Variants in RNF144B observed in about 807,000 individuals in gnomAD.
The protein encoded by RNF144B is ring finger protein 144B, also known as E3 ubiquitin-protein ligase RNF144B.
Under a neutral mutation model 40.2 loss-of-function variants are expected in RNF144B, and 25 were observed. That is an observed-to-expected ratio of 0.62 (90% CI 0.45 to 0.87). The LOEUF (loss-of-function observed/expected upper bound fraction) is 0.87, where lower values mean the gene tolerates loss of function less well. Ranked by LOEUF, RNF144B falls within the 40% of genes least tolerant of loss-of-function variation. The probability of loss-of-function intolerance (pLI) is 0.00; values close to 1 mark genes in which losing one functional copy is unlikely to be tolerated. For missense variants in RNF144B, 365 were observed against 373.7 expected (o/e 0.98, Z 0.19); for synonymous variants, 145 against 136.3 (o/e 1.06, Z -0.44).
At chr6:18,387,730 A>T in intron 1 of RNF144B, 100 bp downstream of exon 1, 1 of 1,035,496 alleles carries the variant, frequency 9.7e-7, no homozygotes, top group Non-Finnish European at 1.3e-6. Context: ...TGACACCACA[A>T]TTTTTCGATT....
intron 3 of RNF144B, among the ~76,000 whole-genome samples, chr6:18,433,937 C>G (rs1389039711): frequency 6.6e-6 from 1 of 152,110 alleles, no homozygotes; most frequent in Admixed American, 6.5e-5. Flanking sequence ...GTGTTATTTC[C>G]CCTGCCCTGG....
Position 18,460,346 on chromosome 6 carries a change from G to A in RNF144B, c.681+595G>A, listed in dbSNP as rs56817685. ...CACAGCTGGGAAAGGTTCTCTGCCTGAAGGACCAATGTGATGAGATTGGGC... is the reference window on the plus strand; with the variant it reads ...CACAGCTGGGAAAGGTTCTCTGCCTAAAGGACCAATGTGATGAGATTGGGC... On this transcript the variant is annotated intron_variant, in intron 6 of 7. Transcript: ENST00000259939. This position sits in a 1 kb window ranked among gnomAD's most constrained non-coding sequence, Gnocchi z 4.4. Among the ~76,000 whole-genome samples, 2,652 of 152,282 alleles carry A rather than the reference G, an allele frequency of 0.017. 38 individuals carry two copies. The highest frequency in any genetic ancestry group is 0.027 in the Middle Eastern group (8 of 294).
intron 4 of RNF144B, among the ~76,000 whole-genome samples, chr6:18,440,672 C>A (rs1008753369): frequency 1.3e-5 from 2 of 150,398 alleles, no homozygotes; most frequent in Non-Finnish European, 3.0e-5. Context: ...AGAAAAAAAA[C>A]GTACAGAGCA....
intron 4 of RNF144B, among the ~76,000 whole-genome samples, chr6:18,449,406 A>T (rs1379612170): frequency 6.6e-6 from 1 of 152,174 alleles, no homozygotes; most frequent in Non-Finnish European, 1.5e-5. Flanking sequence ...ATCTCTAGCA[A>T]TTTTTTTCTT....
chr6:18,424,514 A>G (rs750505385), intron 2 of RNF144B, among the ~76,000 whole-genome samples: 2 of 152,302 alleles, frequency 1.3e-5, no homozygotes, highest in East Asian at 1.9e-4. Flanking sequence ...TTCTCACCCA[A>G]AATCGTGGGT....
In RNF144B at chr6:18,465,153, C is replaced by A; in HGVS notation, c.*86C>A. 1 of 1,410,148 alleles carries A rather than the reference C, an allele frequency of 7.1e-7. No individual in the cohort carries two copies. Among genetic ancestry groups the A allele is most frequent in the Non-Finnish European group, 9.7e-7 (1 of 1,028,196 alleles). 87.4% of individuals were successfully genotyped at this position (1,410,148 alleles called of 1,614,324 possible). ...CCCCATTTAGTGACCTTGCCTCCTT[C>A]TCCTTGCCAACTTTGAAAGTGCCTC... On this transcript the variant is annotated 3_prime_UTR_variant, in exon 8 of 8. Coordinates refer to ENST00000259939, the MANE Select transcript of RNF144B (RefSeq NM_182757.4).
intron 4 of RNF144B, among the ~76,000 whole-genome samples, chr6:18,455,986 G>A (rs1386472998): frequency 6.6e-6 from 1 of 151,826 alleles, no homozygotes; most frequent in East Asian, 1.9e-4. Context: ...GCAGTGGTGC[G>A]ATCTCAGCTC....
Position 18,456,190 on chromosome 6 carries a change from G to A in RNF144B, c.332-965G>A, listed in dbSNP as rs111504391. ...GCCTACCTCAGCCTCCCAAAGTGCT[G>A]GGATTACAGGCGTGAGCCACAGTGC... On this transcript the variant is annotated intron_variant, in intron 4 of 7. Coordinates refer to ENST00000259939, the MANE Select transcript of RNF144B (RefSeq NM_182757.4). The surrounding 1 kb of genome is among the most constrained non-coding windows in gnomAD (Gnocchi z 4.7). Among the ~76,000 whole-genome samples the A allele has an allele frequency of 4.8e-3, 727 of 152,286 alleles. 9 individuals carry two copies. Among genetic ancestry groups the A allele is most frequent in the African/African-American group, 0.016 (681 of 41,566 alleles).
rs899708162 is a variant in RNF144B at position 18,443,540 on chromosome 6, T to C, written c.331+3796T>C. Among the ~76,000 whole-genome samples the C allele has an allele frequency of 1.3e-5, 2 of 152,132 alleles. No individual in the cohort carries two copies. The highest frequency in any genetic ancestry group is 2.9e-5 in the Non-Finnish European group (2 of 68,004). Reference sequence around the variant, plus strand: ...CCTCCCAAAGTTCTGGGATTACAGGTGTGAGCTACCGTGCCCGGCCTCTTA... The same window carrying C: ...CCTCCCAAAGTTCTGGGATTACAGGCGTGAGCTACCGTGCCCGGCCTCTTA... On this transcript the variant is annotated intron_variant, in intron 4 of 7. Coordinates refer to ENST00000259939, the MANE Select transcript of RNF144B (RefSeq NM_182757.4). The surrounding 1 kb of genome is among the most constrained non-coding windows in gnomAD (Gnocchi z 4.7).
In RNF144B at chr6:18,400,037, C is replaced by T. The variant is rs766659583; in HGVS notation, c.165+338C>T. On this transcript the variant is annotated intron_variant, in intron 2 of 7. Transcript: ENST00000259939. The surrounding 1 kb of genome is among the most constrained non-coding windows in gnomAD (Gnocchi z 5.6). ...CTGTAATCCCAGCACTTTGGGAGGC[C>T]GAGGCGGGCGGATCACAAGGTCAGA... Among the ~76,000 whole-genome samples the T allele has an allele frequency of 8.4e-4, 127 of 152,094 alleles. No individual in the cohort carries two copies. The highest frequency in any genetic ancestry group is 1.4e-3 in the Non-Finnish European group (96 of 67,982).
intron 2 of RNF144B, among the ~76,000 whole-genome samples, chr6:18,409,657 G>A (rs564616369): frequency 1.3e-4 from 18 of 140,754 alleles, no homozygotes; most frequent in Non-Finnish European, 2.7e-4. Flanking sequence ...TGCAACCTCC[G>A]CCTCCTGGGT....
At chr6:18,413,617 G>T (rs192614961) in intron 2 of RNF144B, among the ~76,000 whole-genome samples, 3 of 152,278 alleles carry the variant, frequency 2.0e-5, no homozygotes, top group Non-Finnish European at 2.9e-5. Context: ...TGAAGTCAAG[G>T]TTCAAGGCCA....
Position 18,439,878 on chromosome 6 carries a change from G to C in RNF144B, c.331+134G>C, listed in dbSNP as rs754119249. The C allele has an allele frequency of 5.8e-6, 3 of 514,872 alleles. No individual in the cohort carries two copies. The Admixed American group carries it at 9.6e-5, about 16-fold the overall frequency. The allele number at this position is 514,872 out of a possible 1,614,324, so 31.9% of individuals were successfully genotyped here. On this transcript the variant is annotated intron_variant, in intron 4 of 7. Coordinates refer to ENST00000259939, the MANE Select transcript of RNF144B (RefSeq NM_182757.4). Reference sequence around the variant, plus strand: ...AAGGGTACTCTAAAAGGAGAATACTGTAATTGCAACATAAAATTTCAAGCC... The same window carrying C: ...AAGGGTACTCTAAAAGGAGAATACTCTAATTGCAACATAAAATTTCAAGCC...
At chr6:18,463,439 C>A (rs189892532) in intron 7 of RNF144B, 59 bp downstream of exon 7, 1 of 970,658 alleles carries the variant, frequency 1.0e-6, no homozygotes, top group Non-Finnish European at 1.7e-6. Flanking sequence ...TTAAAGAGCC[C>A]ACCTCTTCGC....
In RNF144B at chr6:18,407,774, G is replaced by A. The variant is rs116022166; in HGVS notation, c.165+8075G>A. Among the ~76,000 whole-genome samples, 1,316 of 151,838 alleles carry A rather than the reference G, an allele frequency of 8.7e-3. 6 individuals carry two copies. Among genetic ancestry groups the A allele is most frequent in the Middle Eastern group, 0.014 (4 of 294 alleles). On this transcript the variant is annotated intron_variant, in intron 2 of 7. Coordinates refer to ENST00000259939, the MANE Select transcript of RNF144B (RefSeq NM_182757.4). The stretch of plus-strand genomic sequence containing the variant: ...GAAGGTTATCTTTTTTTTAGAGGGC[G>A]GACGTCAGATTACTCATGAAAAATT...
Position 18,410,466 on chromosome 6 carries a change from G to C in RNF144B, c.165+10767G>C, listed in dbSNP as rs1358894696. Among the ~76,000 whole-genome samples, 1 of 152,180 alleles carries C rather than the reference G, an allele frequency of 6.6e-6. No homozygotes were observed. Among genetic ancestry groups the C allele is most frequent in the Non-Finnish European group, 1.5e-5 (1 of 68,034 alleles). On this transcript the variant is annotated intron_variant, in intron 2 of 7. Coordinates refer to ENST00000259939, the MANE Select transcript of RNF144B (RefSeq NM_182757.4). This position sits in a 1 kb window ranked among gnomAD's most constrained non-coding sequence, Gnocchi z 4.6. ...GGTTTCCTAAGGGCTGAGACTGAAA[G>C]ATAATAGGGATTGCTTGATGGCATT...
intron 3 of RNF144B, among the ~76,000 whole-genome samples, chr6:18,430,312 G>A (rs1254114288): frequency 6.6e-6 from 1 of 152,190 alleles, no homozygotes; most frequent in Non-Finnish European, 1.5e-5. Context: ...AATGCATAGT[G>A]TTTTAGAATT....
rs764315932 is a variant in RNF144B at position 18,459,139 on chromosome 6, G to T, written c.537-468G>T. Among the ~76,000 whole-genome samples the T allele has an allele frequency of 9.9e-5, 15 of 152,190 alleles. No individual in the cohort carries two copies. The highest frequency in any genetic ancestry group is 1.8e-4 in the Non-Finnish European group (12 of 68,036). On this transcript the variant is annotated intron_variant, in intron 5 of 7. Coordinates refer to ENST00000259939, the MANE Select transcript of RNF144B (RefSeq NM_182757.4). This position sits in a 1 kb window ranked among gnomAD's most constrained non-coding sequence, Gnocchi z 4.2. ...CTGTGCCCCTTGGGGCTGTGAGCCT[G>T]TATTGGTCTATTCGTCTGTTTGGAG...
intron 2 of RNF144B, among the ~76,000 whole-genome samples, chr6:18,411,498 T>TATATATATATATA (rs1491215297): frequency 8.6e-5 from 1 of 11,594 alleles, no homozygotes; most frequent in Non-Finnish European, 1.9e-4. Context: ...TATATATATA[T>TATATATATATATA]TTTTTTTTTT....
Sources: gnomAD v4.1 joint callset for allele counts (sites outside exome capture counted in the v4.1 genomes callset) on GRCh38, gnomAD v4.1.1 for gene constraint, Gnocchi (gnomAD v3.1) non-coding constraint, MANE v1.5 for transcripts, NCBI Gene and HGNC (gene_info 2026-07-23, HGNC 2026-07-21) for gene names.